KCNT1: variants seen among roughly 807,000 people sequenced by gnomAD.
KCNT1 encodes the protein potassium sodium-activated channel subfamily T member 1, also known as potassium channel subfamily T member 1.
KCNT1 carries 78 observed loss-of-function variants against 147.8 expected under a neutral mutation model. The ratio of observed to expected loss-of-function variants is 0.53; its 90% CI spans 0.44 to 0.64. The LOEUF (loss-of-function observed/expected upper bound fraction) is 0.64, where lower values mean the gene tolerates loss of function less well. Among genes scored for constraint, KCNT1 ranks in the 30% least tolerant of loss-of-function variants. The pLI is 0.00. For synonymous variants in KCNT1, 867 were observed against 748.8 expected (o/e 1.16, Z -2.58); for missense variants, 1,419 against 1,750.3 (o/e 0.81, Z 3.38).
In KCNT1 at chr9:135,764,477, A is replaced by G. The variant is rs180844933; in HGVS notation, c.1036-554A>G. Reference sequence around the variant, plus strand: ...TCCGTCTCAAAAAAAAGAAAAGCCAAAGACTTTCACCTAGAGGCCAGTGGG... The same window carrying G: ...TCCGTCTCAAAAAAAAGAAAAGCCAGAGACTTTCACCTAGAGGCCAGTGGG... On this transcript the variant is annotated intron_variant, in intron 11 of 30. Transcript: ENST00000371757. Among the ~76,000 whole-genome samples, 210 of 152,186 alleles carry G rather than the reference A, an allele frequency of 1.4e-3. 3 individuals are homozygous for G. The highest frequency in any genetic ancestry group is 0.014 in the Admixed American group (210 of 15,308).
At chr9:135,785,182 G>A in intron 27 of KCNT1, 128 bp from the exon 28 acceptor site, 7 of 1,400,446 alleles carry the variant, frequency 5.0e-6, no homozygotes, top group Non-Finnish European at 4.9e-6. Context: ...CCCCTGTGCT[G>A]CAGTCCACAC....
intron 4 of KCNT1, among the ~76,000 whole-genome samples, chr9:135,751,582 G>A (rs1351503187): frequency 6.6e-6 from 1 of 152,210 alleles, no homozygotes; most frequent in African/African-American, 2.4e-5. Context: ...CAGCCGCGAT[G>A]AGGGTGGGTG....
At chr9:135,707,519 C>G (rs1835305000) in intron 1 of KCNT1, among the ~76,000 whole-genome samples, 1 of 152,164 alleles carries the variant, frequency 6.6e-6, no homozygotes, top group African/African-American at 2.4e-5. Flanking sequence ...TGGGCCGATG[C>G]AGCTGGAGAA....
At position 135,754,050 on chromosome 9, in the gene KCNT1, G is replaced by C. The variant is rs555095015; in HGVS notation, c.491+57G>C. ...GCGCTCAGAGGCCTGGGACCAGGGT[G>C]GGGTGGGATGAGTCTCCACTCCAGC... On this transcript the variant is annotated intron_variant, in intron 5 of 30. Transcript: ENST00000371757. 63 of 1,503,464 alleles carry C rather than the reference G, an allele frequency of 4.2e-5. No homozygotes were observed. The African/African-American group carries it at 7.2e-4, about 17-fold the overall frequency. 93.1% of individuals were successfully genotyped at this position (1,503,464 alleles called of 1,614,324 possible). A position where few individuals can be genotyped will look rare whatever the true frequency, so the allele number is the denominator to read the frequency against.
chr9:135,788,338 C>A (rs1834230201), intron 29 of KCNT1, among the ~76,000 whole-genome samples: 1 of 152,260 alleles, frequency 6.6e-6, no homozygotes, highest in Non-Finnish European at 1.5e-5. Flanking sequence ...GACAGAGTGT[C>A]CCCTGGCTGG....
intron 3 of KCNT1, chr9:135,750,637 A>G: frequency 2.0e-6 from 1 of 492,046 alleles, no homozygotes; most frequent in East Asian, 3.6e-5. Flanking sequence ...CAGGGGCTCC[A>G]CATTCACCTG....
chr9:135,759,220 T>C (rs146537102), intron 10 of KCNT1, among the ~76,000 whole-genome samples: 132 of 152,316 alleles, frequency 8.7e-4, no homozygotes, highest in Non-Finnish European at 1.4e-3. Flanking sequence ...CTTGTCTGGC[T>C]GTGCCGGGCA....
At chr9:135,772,286 G>A (rs1000074559) in intron 18 of KCNT1, among the ~76,000 whole-genome samples, 42 of 152,306 alleles carry the variant, frequency 2.8e-4, no homozygotes, top group African/African-American at 9.6e-4. Context: ...CTGGCAGCCT[G>A]GGGTGGTGCA....
At position 135,779,389 on chromosome 9, in the gene KCNT1, G is replaced by A; in HGVS notation, c.2760G>A (p.Glu920=). 2 of 1,613,860 alleles carry A rather than the reference G, an allele frequency of 1.2e-6. No homozygotes were observed. The highest frequency in any genetic ancestry group is 1.7e-6 in the Non-Finnish European group (2 of 1,179,934). Residue 920 remains glutamate (E), a synonymous_variant, in exon 24 of 31, where the codon GAG becomes GAA. Coordinates refer to ENST00000371757, the MANE Select transcript of KCNT1 (RefSeq NM_020822.3). ...RLFPSLSITT[E]LTHPSNMRFM... is the part of the protein sequence containing the mutation. The stretch of plus-strand genomic sequence containing the variant: ...TCCCCAGCCTCAGCATCACCACGGA[G>A]CTCACCCACCCTTCCAACATGCGCT...
At chr9:135,707,114 TG>T (rs1835288473) in intron 1 of KCNT1, among the ~76,000 whole-genome samples, 1 of 149,730 alleles carries the variant, frequency 6.7e-6, no homozygotes, top group Non-Finnish European at 1.5e-5. Flanking sequence ...GCAAGACCCC[TG>T]TCTCTACAAA....
rs141695705 is a variant in KCNT1, at chr9:135,784,805, C to T, written c.3072C>T (p.Arg1024=). The T allele has an allele frequency of 1.2e-5, 19 of 1,612,724 alleles. No homozygotes were observed. The highest frequency in any genetic ancestry group is 1.5e-5 in the Non-Finnish European group (18 of 1,179,996). Residue 1024 remains arginine, a synonymous_variant, in exon 27 of 31, where the codon CGC becomes CGT. Transcript: ENST00000371757. ...EGDLWIRTYG[R]LFQKLCSSSA... ...ACCTGTGGATCCGCACGTACGGCCGCCTCTTCCAGAAGCTCTGCTCCTCCA... is the reference window on the plus strand; with the variant it reads ...ACCTGTGGATCCGCACGTACGGCCGTCTCTTCCAGAAGCTCTGCTCCTCCA...
intron 2 of KCNT1, among the ~76,000 whole-genome samples, chr9:135,733,254 C>T (rs1830184998): frequency 9.6e-6 from 1 of 104,548 alleles, no homozygotes; most frequent in Non-Finnish European, 2.0e-5. Flanking sequence ...GCCCCTGCAC[C>T]TGCCCCACAA....
chr9:135,708,020 C>T (rs769637974), intron 1 of KCNT1, among the ~76,000 whole-genome samples: 1 of 152,206 alleles, frequency 6.6e-6, no homozygotes, highest in Non-Finnish European at 1.5e-5. Flanking sequence ...GCAGCTCTGA[C>T]TTTTTAATCA....
rs62583551 is a variant in KCNT1 at position 135,768,391 on chromosome 9, G to A, written c.1338-219G>A. The A allele has an allele frequency of 0.19, 66,953 of 348,304 alleles. 7,826 individuals are homozygous for A. Among genetic ancestry groups the A allele is most frequent in the Middle Eastern group, 0.31 (392 of 1,250 alleles). The allele number at this position is 348,304 out of a possible 1,614,324, so 21.6% of individuals were successfully genotyped here. On this transcript the variant is annotated intron_variant, in intron 13 of 30. Coordinates refer to ENST00000371757, the MANE Select transcript of KCNT1 (RefSeq NM_020822.3). ...GGGATGCCCACTGAGGGGGCACTGT[G>A]ACTCCTGACCAGCAGAGAGTAGGGG...
chr9:135,774,498 T>G (rs941627222), intron 19 of KCNT1, among the ~76,000 whole-genome samples: 7 of 151,012 alleles, frequency 4.6e-5, no homozygotes, highest in Non-Finnish European at 1.0e-4. Flanking sequence ...CTGTGTGGTG[T>G]GTGTTGCATA....
chr9:135,728,860 C>T (rs941317696), intron 2 of KCNT1, among the ~76,000 whole-genome samples: 8 of 152,328 alleles, frequency 5.3e-5, no homozygotes, highest in African/African-American at 1.9e-4. Context: ...CCCAGGATTT[C>T]CCACCCTACC....
intron 29 of KCNT1, among the ~76,000 whole-genome samples, chr9:135,787,567 AGCTCACGGCTGGCCCAGGAGCT>A (rs1834161899): frequency 6.6e-6 from 1 of 152,078 alleles, no homozygotes; most frequent in African/African-American, 2.4e-5. Context: ...CAGAGTCAGG[AGCTCACGGCTGGCCCAGGAGCT>A]GCTCACGGGT....
In KCNT1 at chr9:135,723,672, C is replaced by T. The variant is rs377557423; in HGVS notation, c.254+8952C>T. ...TCAGTAGGAAGGGGGCCCTGGCTCT[C>T]CTGGTGGGTGTCCGGAGCATCTAGA... On this transcript the variant is annotated intron_variant, in intron 2 of 30. Coordinates refer to ENST00000371757, the MANE Select transcript of KCNT1 (RefSeq NM_020822.3). Among the ~76,000 whole-genome samples, 3 of 152,352 alleles carry T rather than the reference C, an allele frequency of 2.0e-5. No homozygotes were observed. In the South Asian group the frequency reaches 6.2e-4, roughly 32 times the overall value.
rs1408241098 is a variant in KCNT1 at position 135,751,048 on chromosome 9, C to T, written c.434+7C>T. ...CGGCCCTGGGCATCGGATGGTGGGCCACGTGCGCGGCCGGGCGCGGGGTCC... is the reference window on the plus strand; with the variant it reads ...CGGCCCTGGGCATCGGATGGTGGGCTACGTGCGCGGCCGGGCGCGGGGTCC... On this transcript the variant is annotated splice_region_variant and intron_variant, in intron 4 of 30. Coordinates refer to ENST00000371757, the MANE Select transcript of KCNT1 (RefSeq NM_020822.3). 1.9e-6 allele frequency: 3 copies of T among 1,608,636 alleles called. No homozygotes were observed. Among genetic ancestry groups the T allele is most frequent in the South Asian group, 1.1e-5 (1 of 91,030 alleles).
Sources: allele counts gnomAD v4.1 joint callset (sites outside exome capture counted in the v4.1 genomes callset), GRCh38; gene constraint gnomAD v4.1.1; transcripts MANE v1.5; gene names NCBI Gene and HGNC (gene_info 2026-07-23, HGNC 2026-07-21).